EXOC6B: variants seen among roughly 807,000 people sequenced by gnomAD.
The protein encoded by EXOC6B is exocyst complex component 6B, also known as SEC15 homolog B.
EXOC6B carries 54 observed loss-of-function variants against 113.5 expected under a neutral mutation model. That is an observed-to-expected ratio of 0.48 (90% confidence interval 0.38 to 0.60). The LOEUF is 0.60. EXOC6B is among the 20% of genes least tolerant of loss of function. EXOC6B has a pLI of 0.00. For synonymous variants in EXOC6B, 357 were observed against 339.0 expected (o/e 1.05, Z -0.58); for missense variants, 797 against 977.5 (o/e 0.82, Z 2.46).
chr2:72,575,522 C>A lies in EXOC6B; in HGVS notation c.816G>T (p.Leu272=), dbSNP rs765955592. The A allele has an allele frequency of 1.7e-5, 28 of 1,605,516 alleles. No homozygotes were observed. The highest frequency in any genetic ancestry group is 1.7e-5 in the Non-Finnish European group (20 of 1,177,212). ...CATCATCTTCCTCGTCTTCAACATC[C>A]AGAATTCCTGAATCCTGTTCAGACT... ...SPKSEQDSGI[L]DVEDEEDDEE... is the part of the protein sequence containing the mutation. The change falls in exon 7 of 22, where the codon CTG becomes CTT. Residue 272 remains leucine, a synonymous_variant. Transcript: ENST00000272427.
intron 7 of EXOC6B, among the ~76,000 whole-genome samples, chr2:72,566,300 GCTT>G (rs893770669): frequency 3.4e-4 from 52 of 152,040 alleles, no homozygotes; most frequent in Non-Finnish European, 1.6e-4. Flanking sequence ...TTTGAACCTG[GCTT>G]CTTCCATTGA....
At chr2:72,315,775 T>C (rs1444284865) in intron 20 of EXOC6B, among the ~76,000 whole-genome samples, 1 of 152,092 alleles carries the variant, frequency 6.6e-6, no homozygotes, top group Non-Finnish European at 1.5e-5. Context: ...GTAAAAGGAA[T>C]AGGTTTTTAT....
At chr2:72,442,434 G>A (rs899586660) in intron 18 of EXOC6B, among the ~76,000 whole-genome samples, 1 of 151,946 alleles carries the variant, frequency 6.6e-6, no homozygotes, top group Non-Finnish European at 1.5e-5. Context: ...GAAATAAAGG[G>A]CATTGAAATA....
intron 6 of EXOC6B, among the ~76,000 whole-genome samples, chr2:72,611,235 AT>A (rs1671054446): frequency 6.6e-6 from 1 of 151,980 alleles, no homozygotes; most frequent in Non-Finnish European, 1.5e-5. Flanking sequence ...ATGGTGGCAC[AT>A]GCCTATAATC....
At chr2:72,422,049 T>A (rs1390389267) in intron 18 of EXOC6B, among the ~76,000 whole-genome samples, 1 of 152,234 alleles carries the variant, frequency 6.6e-6, no homozygotes, top group Non-Finnish European at 1.5e-5. Flanking sequence ...TCACTGAGCC[T>A]TAGCTGCCTT....
intron 20 of EXOC6B, among the ~76,000 whole-genome samples, chr2:72,211,630 A>G (rs12466112): frequency 0.12 from 18,076 of 152,224 alleles, 1,335 homozygotes; most frequent in Admixed American, 0.16. Flanking sequence ...ACCATGCATA[A>G]TGAGGTTGCT....
chr2:72,805,039 T>C (rs915955472), intron 1 of EXOC6B, among the ~76,000 whole-genome samples: 3 of 152,186 alleles, frequency 2.0e-5, no homozygotes, highest in Non-Finnish European at 4.4e-5. Context: ...AATGAAAACC[T>C]TCTAGAATTC....
intron 8 of EXOC6B, among the ~76,000 whole-genome samples, chr2:72,526,650 T>C (rs1701758591): frequency 6.6e-6 from 1 of 151,956 alleles, no homozygotes; most frequent in Non-Finnish European, 1.5e-5. Context: ...CTGACCAATT[T>C]AGAATCTAAG....
At chr2:72,501,043 A>C (rs1029714981) in intron 11 of EXOC6B, among the ~76,000 whole-genome samples, 18 of 152,320 alleles carry the variant, frequency 1.2e-4, no homozygotes, top group Middle Eastern at 3.4e-3. Flanking sequence ...GTAGAATACC[A>C]CCACTTCCGC....
At chr2:72,502,543 A>G (rs1246585855) in intron 11 of EXOC6B, among the ~76,000 whole-genome samples, 1 of 152,174 alleles carries the variant, frequency 6.6e-6, no homozygotes, top group African/African-American at 2.4e-5. Context: ...GTGAGACTAT[A>G]TATCAAAAAT....
intron 8 of EXOC6B, among the ~76,000 whole-genome samples, chr2:72,525,902 A>G (rs191980397): frequency 1.8e-3 from 278 of 152,266 alleles, no homozygotes; most frequent in African/African-American, 6.2e-3. Context: ...TCTGCATATG[A>G]TGAGAAAGGA....
At chr2:72,371,075 G>A (rs1482847231) in intron 19 of EXOC6B, among the ~76,000 whole-genome samples, 2 of 151,296 alleles carry the variant, frequency 1.3e-5, no homozygotes, top group South Asian at 2.1e-4. Flanking sequence ...ACAGAATAAA[G>A]AGGACTCTGT....
chr2:72,215,550 T>A (rs569867545), intron 20 of EXOC6B, among the ~76,000 whole-genome samples: 1 of 152,144 alleles, frequency 6.6e-6, no homozygotes, highest in Non-Finnish European at 1.5e-5. Flanking sequence ...GACTGAAATC[T>A]AAAGAAAGAC....
intron 1 of EXOC6B, among the ~76,000 whole-genome samples, chr2:72,823,989 G>C (rs1686751445): frequency 1.3e-5 from 2 of 152,166 alleles, no homozygotes; most frequent in African/African-American, 4.8e-5. Context: ...AATGGGAATT[G>C]AGAAAAGCAC....
rs1228274571 is a variant in EXOC6B, at chr2:72,493,728, GAA to G, written c.1554-1301_1554-1300del. On this transcript the variant is annotated intron_variant, in intron 15 of 21. Transcript: ENST00000272427. ...TTTAAAAAAATCTTTCTTTCAAAAA[GAA>G]AGTTTTACGTATTCAGAATTCATGC... Among the ~76,000 whole-genome samples the G allele has an allele frequency of 2.0e-5, 3 of 152,006 alleles. No homozygotes were observed. In the East Asian group the frequency reaches 5.8e-4, roughly 29 times the overall value.
intron 6 of EXOC6B, among the ~76,000 whole-genome samples, chr2:72,618,052 C>G (rs1272471000): frequency 6.6e-6 from 1 of 152,072 alleles, no homozygotes; most frequent in African/African-American, 2.4e-5. Context: ...GAGCCCTCCA[C>G]TCCTAGAAAA....
At chr2:72,308,571 A>C (rs893306572) in intron 20 of EXOC6B, among the ~76,000 whole-genome samples, 7 of 152,172 alleles carry the variant, frequency 4.6e-5, no homozygotes, top group African/African-American at 1.7e-4. Flanking sequence ...AATTTAAGTG[A>C]GTTAGTATAC....
intron 20 of EXOC6B, among the ~76,000 whole-genome samples, chr2:72,241,733 TCCA>T (rs1228774372): frequency 2.0e-5 from 3 of 151,822 alleles, no homozygotes; most frequent in Non-Finnish European, 4.4e-5. Context: ...AAGAAAAAAA[TCCA>T]CCAATAAAGA....
Position 72,730,998 on chromosome 2 carries a change from A to T in EXOC6B, c.464+9T>A. The stretch of plus-strand genomic sequence containing the variant: ...TAGTAAAAACTGTTCGATTAAAAAA[A>T]AATCTTACCTTTTAGTTTTCATCTG... On this transcript the variant is annotated intron_variant, in intron 5 of 21. Transcript: ENST00000272427. 1 of 1,523,318 alleles carries T rather than the reference A, an allele frequency of 6.6e-7. No homozygotes were observed. The highest frequency in any genetic ancestry group is 2.4e-5 in the East Asian group (1 of 40,974). The allele number at this position is 1,523,318 out of a possible 1,614,324, so 94.4% of individuals were successfully genotyped here.
Sources: allele counts gnomAD v4.1 joint callset (sites outside exome capture counted in the v4.1 genomes callset), GRCh38; gene constraint gnomAD v4.1.1; transcripts MANE v1.5; gene names NCBI Gene and HGNC (gene_info 2026-07-23, HGNC 2026-07-21).